TTLL11: variants seen among roughly 807,000 people sequenced by gnomAD.
TTLL11 encodes the protein tubulin tyrosine ligase like 11.
Under a neutral mutation model 51.7 loss-of-function variants are expected in TTLL11, and 42 were observed. The ratio of observed to expected loss-of-function variants is 0.81; its 90% CI spans 0.64 to 1.05. The LOEUF (loss-of-function observed/expected upper bound fraction) is 1.05, where lower values mean the gene tolerates loss of function less well. Among genes scored for constraint, TTLL11 ranks in the 50% least tolerant of loss-of-function variants. TTLL11 has a pLI of 0.00. For missense variants in TTLL11, 799 were observed against 940.4 expected, an observed-to-expected ratio of 0.85 and a Z score of 1.97; for synonymous variants, 381 against 383.5, an observed-to-expected ratio of 0.99 and a Z score of 0.08.
chr9:122,091,799 C>T (rs950247403), intron 1 of TTLL11, among the ~76,000 whole-genome samples: 1 of 152,218 alleles, frequency 6.6e-6, no homozygotes, highest in Non-Finnish European at 1.5e-5. Context: ...AGTCAAATGG[C>T]TTTATCCACG....
At chr9:121,961,575 T>C (rs1182552641) in intron 6 of TTLL11, among the ~76,000 whole-genome samples, 1 of 152,170 alleles carries the variant, frequency 6.6e-6, no homozygotes, top group African/African-American at 2.4e-5. Context: ...ACATCTCTAT[T>C]CCTGCTGCCC....
chr9:121,941,606 C>T (rs1032931519), intron 6 of TTLL11, among the ~76,000 whole-genome samples: 8 of 152,172 alleles, frequency 5.3e-5, no homozygotes, highest in Non-Finnish European at 8.8e-5. Flanking sequence ...TGATTTCTCC[C>T]GCCTGCTGAG....
intron 3 of TTLL11, among the ~76,000 whole-genome samples, chr9:122,029,732 AAGTGTAC>A (rs1347311263): frequency 6.6e-6 from 1 of 152,170 alleles, no homozygotes; most frequent in South Asian, 2.1e-4. Flanking sequence ...AGTGTAGCCT[AAGTGTAC>A]AGTGTTTCTG....
chr9:122,030,738 A>G (rs187511710), intron 3 of TTLL11, among the ~76,000 whole-genome samples: 3 of 148,018 alleles, frequency 2.0e-5, no homozygotes, highest in East Asian at 4.1e-4. Flanking sequence ...CCTGGCCAAC[A>G]TGGTGAAACA....
chr9:121,899,874 T>C (rs1839706143), intron 6 of TTLL11, among the ~76,000 whole-genome samples: 1 of 152,232 alleles, frequency 6.6e-6, no homozygotes, highest in Admixed American at 6.5e-5. Context: ...AAACACATGT[T>C]GAATGACTAA....
At chr9:121,966,392 T>C (rs529773650) in intron 6 of TTLL11, among the ~76,000 whole-genome samples, 1 of 152,178 alleles carries the variant, frequency 6.6e-6, no homozygotes, top group Non-Finnish European at 1.5e-5. Context: ...GGGTCCTGAA[T>C]GGCTATGATT....
At chr9:121,896,520 A>G (rs565709516) in intron 6 of TTLL11, among the ~76,000 whole-genome samples, 1 of 152,260 alleles carries the variant, frequency 6.6e-6, no homozygotes, top group Non-Finnish European at 1.5e-5. Context: ...TCTCGACTCC[A>G]AGGCCCTCTT....
chr9:122,072,877 G>A (rs1017344100), intron 1 of TTLL11, among the ~76,000 whole-genome samples: 4 of 152,146 alleles, frequency 2.6e-5, no homozygotes, highest in Non-Finnish European at 5.9e-5. Flanking sequence ...AATAAGCAGA[G>A]AGGGAGCTCT....
At chr9:121,885,558 C>T (rs1288544023) in intron 6 of TTLL11, 2 of 152,338 alleles carry the variant, frequency 1.3e-5, no homozygotes, top group South Asian at 2.1e-4. Context: ...TTCCCAGTTT[C>T]CATAAGAGAC....
At chr9:122,037,108 T>C (rs1348795409) in intron 2 of TTLL11, among the ~76,000 whole-genome samples, 2 of 152,084 alleles carry the variant, frequency 1.3e-5, no homozygotes, top group Non-Finnish European at 2.9e-5. Context: ...ACTTCTTTCC[T>C]ACTCTGAGAC....
chr9:121,830,299 A>C (rs1029695055), intron 8 of TTLL11, among the ~76,000 whole-genome samples: 1 of 152,208 alleles, frequency 6.6e-6, no homozygotes, highest in Non-Finnish European at 1.5e-5. Context: ...GGCTTGTTAA[A>C]ATACAGATGG....
chr9:121,849,135 A>G (rs1837596749), intron 8 of TTLL11, among the ~76,000 whole-genome samples: 1 of 152,272 alleles, frequency 6.6e-6, no homozygotes, highest in South Asian at 2.1e-4. Context: ...AGTAAATGCA[A>G]TTCAATGTAG....
chr9:122,079,053 AGTT>A (rs1244106016), intron 1 of TTLL11, among the ~76,000 whole-genome samples: 1 of 152,130 alleles, frequency 6.6e-6, no homozygotes, highest in African/African-American at 2.4e-5. Flanking sequence ...TTAGTGTACA[AGTT>A]GTTATGTGCA....
Position 121,816,542 on chromosome 9 carries a change from G to A in TTLL11, c.*6045C>T, listed in dbSNP as rs1416154784. 1.1e-5 allele frequency: 1 copy of A among 87,968 alleles called. No individual in the cohort carries two copies. Among genetic ancestry groups the A allele is most frequent in the Non-Finnish European group, 2.1e-5 (1 of 46,816 alleles). The allele number at this position is 87,968 out of a possible 1,614,324, so 5.4% of individuals were successfully genotyped here. ...AAGCTCAACGGTGCTCAGTGTGTGT[G>A]TGTGCGTGCGCACGTGTGTGCATGC... On this transcript the variant is annotated 3_prime_UTR_variant, in exon 9 of 9. Transcript: ENST00000321582.
chr9:122,053,543 G>A (rs1406694125), intron 1 of TTLL11, among the ~76,000 whole-genome samples: 2 of 152,152 alleles, frequency 1.3e-5, no homozygotes, highest in Non-Finnish European at 2.9e-5. Context: ...AAGCAGGGCT[G>A]TGTCAGACCA....
At chr9:121,936,286 C>T (rs1374429414) in intron 6 of TTLL11, among the ~76,000 whole-genome samples, 1 of 149,618 alleles carries the variant, frequency 6.7e-6, no homozygotes, top group African/African-American at 2.5e-5. Context: ...TTATTGGAGA[C>T]AGGGTCTCAC....
In TTLL11 at chr9:122,023,862, A is replaced by T. The variant is rs1186212811; in HGVS notation, c.693+7861T>A. Among the ~76,000 whole-genome samples the T allele has an allele frequency of 2.0e-5, 3 of 152,138 alleles. No homozygotes were observed. In the East Asian group the frequency reaches 5.8e-4, roughly 29 times the overall value. ...CTACAACTAACAACAATACTTAATGATGAAAGACGAAATCCATAACCCCTA... is the reference window on the plus strand; with the variant it reads ...CTACAACTAACAACAATACTTAATGTTGAAAGACGAAATCCATAACCCCTA... On this transcript the variant is annotated intron_variant, in intron 3 of 8. Coordinates refer to ENST00000321582, the MANE Select transcript of TTLL11 (RefSeq NM_001139442.2).
At chr9:121,911,069 T>C (rs1361901259) in intron 6 of TTLL11, among the ~76,000 whole-genome samples, 1 of 152,202 alleles carries the variant, frequency 6.6e-6, no homozygotes, top group Non-Finnish European at 1.5e-5. Flanking sequence ...TGAGACTTTA[T>C]AAAGTTCTTC....
At chr9:121,925,733 C>G (rs139310665) in intron 6 of TTLL11, among the ~76,000 whole-genome samples, 17 of 152,314 alleles carry the variant, frequency 1.1e-4, no homozygotes, top group African/African-American at 3.4e-4. Context: ...CTCTGAATCT[C>G]TCTGTGTCCA....
Sources: gnomAD v4.1 joint callset for allele counts (sites outside exome capture counted in the v4.1 genomes callset) on GRCh38, gnomAD v4.1.1 for gene constraint, MANE v1.5 for transcripts, NCBI Gene and HGNC (gene_info 2026-07-23, HGNC 2026-07-21) for gene names.